The following PTDSS1 variants were observed in gnomAD, a reference collection of about 807,000 sequenced individuals.
The protein encoded by PTDSS1 is PSS-1.
PTDSS1 carries 45 observed loss-of-function variants against 70.5 expected under a neutral mutation model. The ratio of observed to expected loss-of-function variants is 0.64; its 90% CI spans 0.50 to 0.82. PTDSS1 has a LOEUF of 0.82. Among genes scored for constraint, PTDSS1 ranks in the 40% least tolerant of loss-of-function variants. The probability of loss-of-function intolerance (pLI) is 0.00; values close to 1 mark genes in which losing one functional copy is unlikely to be tolerated. For synonymous variants in PTDSS1, 188 were observed against 203.8 expected, an observed-to-expected ratio of 0.92 and a Z score of 0.66; for missense variants, 417 against 586.1, an observed-to-expected ratio of 0.71 and a Z score of 2.98.
chr8:96,279,985 G>A (rs1810712378), intron 2 of PTDSS1, among the ~76,000 whole-genome samples: 1 of 152,066 alleles, frequency 6.6e-6, no homozygotes, highest in Non-Finnish European at 1.5e-5. Flanking sequence ...GGAGCCTCTG[G>A]CCTGAGGATA....
intron 12 of PTDSS1, among the ~76,000 whole-genome samples, chr8:96,331,398 G>A (rs1325901604): frequency 6.6e-6 from 1 of 151,514 alleles, no homozygotes; most frequent in Non-Finnish European, 1.5e-5. Context: ...GTGTGGTGGC[G>A]GGCGCCTGTA....
intron 1 of PTDSS1, among the ~76,000 whole-genome samples, chr8:96,263,810 C>T (rs1810449216): frequency 6.6e-6 from 1 of 152,220 alleles, no homozygotes; most frequent in Non-Finnish European, 1.5e-5. Flanking sequence ...TGCATACACA[C>T]ACACAAGTGC....
chr8:96,279,732 T>C (rs1810707176), intron 2 of PTDSS1, among the ~76,000 whole-genome samples: 1 of 151,888 alleles, frequency 6.6e-6, no homozygotes, highest in South Asian at 2.1e-4. Flanking sequence ...GGCAGGAGAA[T>C]TGCATGAACC....
intron 3 of PTDSS1, among the ~76,000 whole-genome samples, chr8:96,286,365 G>A (rs942743981): frequency 6.6e-5 from 10 of 152,142 alleles, no homozygotes; most frequent in Non-Finnish European, 1.2e-4. Context: ...GTGATTATTA[G>A]GATAGCAATT....
At chr8:96,323,635 G>C (rs1380312930) in intron 10 of PTDSS1, among the ~76,000 whole-genome samples, 1 of 152,210 alleles carries the variant, frequency 6.6e-6, no homozygotes, top group Non-Finnish European at 1.5e-5. Context: ...GGGCTCCCCA[G>C]GCCTGTAACC....
At chr8:96,331,790 G>A (rs1586213808) in intron 12 of PTDSS1, among the ~76,000 whole-genome samples, 1 of 151,910 alleles carries the variant, frequency 6.6e-6, no homozygotes, top group South Asian at 2.1e-4. Flanking sequence ...AGTGGCTCAC[G>A]CCTGTAACCC....
intron 9 of PTDSS1, among the ~76,000 whole-genome samples, chr8:96,313,550 C>T (rs767663232): frequency 1.3e-5 from 2 of 152,208 alleles, no homozygotes; most frequent in Non-Finnish European, 2.9e-5. Context: ...AGTGTTTTAT[C>T]GCCTGGTCCT....
intron 5 of PTDSS1, among the ~76,000 whole-genome samples, 174 bp from the exon 6 acceptor site, chr8:96,299,520 A>C (rs746201661): frequency 3.9e-5 from 6 of 152,262 alleles, no homozygotes; most frequent in African/African-American, 7.2e-5. Flanking sequence ...CAATATAAAA[A>C]ACAAGAAACA....
chr8:96,281,413 G>T (rs1810734502), intron 2 of PTDSS1, among the ~76,000 whole-genome samples: 1 of 152,098 alleles, frequency 6.6e-6, no homozygotes, highest in East Asian at 1.9e-4. Flanking sequence ...TACTGAAAGG[G>T]TCACCTTACA....
At chr8:96,278,359 A>C (rs2130025779) in intron 2 of PTDSS1, among the ~76,000 whole-genome samples, 1 of 152,320 alleles carries the variant, frequency 6.6e-6, no homozygotes, top group Admixed American at 6.5e-5. Flanking sequence ...CCTGAGCTAT[A>C]TGGCAGAGGA....
chr8:96,332,691 A>G (rs148356911), intron 12 of PTDSS1, among the ~76,000 whole-genome samples: 70 of 152,384 alleles, frequency 4.6e-4, no homozygotes, highest in African/African-American at 1.6e-3. Context: ...TAATAAAAAA[A>G]GAAAAATAAC....
At chr8:96,314,547 A>G (rs1811257990) in intron 9 of PTDSS1, among the ~76,000 whole-genome samples, 1 of 151,890 alleles carries the variant, frequency 6.6e-6, no homozygotes, top group Non-Finnish European at 1.5e-5. Flanking sequence ...TTATCTTGCC[A>G]CACCCCACCC....
chr8:96,302,509 T>C (rs1399075435), intron 6 of PTDSS1, among the ~76,000 whole-genome samples: 1 of 152,198 alleles, frequency 6.6e-6, no homozygotes, highest in Non-Finnish European at 1.5e-5. Context: ...TTAGGTTTAG[T>C]AATTTGCCTA....
rs1811551139 is a variant in PTDSS1, at chr8:96,333,624, C to T, written c.*58C>T. On this transcript the variant is annotated 3_prime_UTR_variant, in exon 13 of 13. Transcript: ENST00000517309. ...GCCTAGAACTGAGAGGGAAATGGAACTCATTTGGAACTCCCCGTGAGGAGG... is the reference window on the plus strand; with the variant it reads ...GCCTAGAACTGAGAGGGAAATGGAATTCATTTGGAACTCCCCGTGAGGAGG... 2 of 1,520,526 alleles carry T rather than the reference C, an allele frequency of 1.3e-6. No individual in the cohort carries two copies. Among genetic ancestry groups the T allele is most frequent in the Admixed American group, 3.4e-5 (2 of 59,694 alleles). The allele number at this position is 1,520,526 out of a possible 1,614,324, so 94.2% of individuals were successfully genotyped here.
intron 10 of PTDSS1, among the ~76,000 whole-genome samples, chr8:96,329,828 G>A (rs111296042): frequency 2.6e-4 from 40 of 152,254 alleles, no homozygotes; most frequent in Non-Finnish European, 2.5e-4. Context: ...TCCTCTTAGC[G>A]CTCTCCTGTG....
intron 2 of PTDSS1, among the ~76,000 whole-genome samples, chr8:96,283,382 G>A (rs1810771380): frequency 6.6e-6 from 1 of 152,204 alleles, no homozygotes; most frequent in Non-Finnish European, 1.5e-5. Context: ...TCAAGGCTCA[G>A]CTTGCTTTCT....
Position 96,333,817 on chromosome 8 carries a change from G to T in PTDSS1, c.*251G>T. 4.3e-6 allele frequency: 3 copies of T among 690,734 alleles called. No homozygotes were observed. The highest frequency in any genetic ancestry group is 5.3e-6 in the Non-Finnish European group (2 of 380,230). The allele number at this position is 690,734 out of a possible 1,614,324, so 42.8% of individuals were successfully genotyped here. A position where few individuals can be genotyped will look rare whatever the true frequency, so the allele number is the denominator to read the frequency against. On this transcript the variant is annotated 3_prime_UTR_variant, in exon 13 of 13. Transcript: ENST00000517309. ...CTTCAGCACTTGACATGCGGTCACCGGTGGCAGCGCGGTGTGTTGAAGGGA... is the reference window on the plus strand; with the variant it reads ...CTTCAGCACTTGACATGCGGTCACCTGTGGCAGCGCGGTGTGTTGAAGGGA...
At chr8:96,316,161 C>T (rs1406028237) in intron 9 of PTDSS1, among the ~76,000 whole-genome samples, 4 of 152,174 alleles carry the variant, frequency 2.6e-5, no homozygotes, top group African/African-American at 4.8e-5. Context: ...CCACTTCTCA[C>T]CATCTCCACA....
At chr8:96,284,585 G>T (rs1434442214) in intron 3 of PTDSS1, among the ~76,000 whole-genome samples, 2 of 152,210 alleles carry the variant, frequency 1.3e-5, no homozygotes, top group African/African-American at 2.4e-5. Flanking sequence ...AACTTGGAAA[G>T]AGAAAGACTT....
Sources: allele counts gnomAD v4.1 joint callset (sites outside exome capture counted in the v4.1 genomes callset), GRCh38; gene constraint gnomAD v4.1.1; transcripts MANE v1.5; gene names NCBI Gene and HGNC (gene_info 2026-07-23, HGNC 2026-07-21).